The following TRERF1 variants were observed in gnomAD, a reference collection of about 807,000 sequenced individuals.
The protein encoded by TRERF1 is transcriptional-regulating factor 1.
Under a neutral mutation model 122.9 loss-of-function variants are expected in TRERF1, and 27 were observed. That is an observed-to-expected ratio of 0.22 (90% confidence interval 0.16 to 0.30). The LOEUF (loss-of-function observed/expected upper bound fraction) is 0.30. Among genes scored for constraint, TRERF1 ranks in the 10% least tolerant of loss-of-function variants. The pLI is 1.00. For synonymous variants in TRERF1, 636 were observed against 641.7 expected, an observed-to-expected ratio of 0.99 and a Z score of 0.13; for missense variants, 1,248 against 1,560.3, an observed-to-expected ratio of 0.80 and a Z score of 3.37.
At chr6:42,398,441 A>G (rs1778935808) in intron 2 of TRERF1, among the ~76,000 whole-genome samples, 1 of 152,098 alleles carries the variant, frequency 6.6e-6, no homozygotes, top group South Asian at 2.1e-4. Flanking sequence ...CAGTGCCAAA[A>G]TTCTATTCAT....
At chr6:42,323,190 C>T (rs892775162) in intron 3 of TRERF1, among the ~76,000 whole-genome samples, 21 of 149,012 alleles carry the variant, frequency 1.4e-4, no homozygotes, top group Non-Finnish European at 3.0e-4. Flanking sequence ...GCAACTTTCC[C>T]CCAGTTTTTT....
chr6:42,360,770 TTAAAAAAAAAAAAAAAA>T (rs1285767789), intron 3 of TRERF1, among the ~76,000 whole-genome samples: 1 of 64,098 alleles, frequency 1.6e-5, no homozygotes, highest in African/African-American at 4.6e-5. Context: ...AGTGGAGAGA[TTAAAAAAAAAAAAAAAA>T]AAAAAAAAAA....
chr6:42,425,199 T>C (rs151336460), intron 2 of TRERF1, among the ~76,000 whole-genome samples: 126 of 152,154 alleles, frequency 8.3e-4, no homozygotes, highest in African/African-American at 2.8e-3. Flanking sequence ...AAAACAATAA[T>C]AGTGAAAAAA....
intron 2 of TRERF1, among the ~76,000 whole-genome samples, chr6:42,411,286 C>T (rs556816705): frequency 7.7e-4 from 118 of 152,300 alleles, no homozygotes; most frequent in African/African-American, 2.7e-3. Flanking sequence ...GCTCCTGTCT[C>T]ATACATAAAG....
At chr6:42,369,220 C>T (rs970416691) in intron 2 of TRERF1, among the ~76,000 whole-genome samples, 15 of 152,112 alleles carry the variant, frequency 9.9e-5, no homozygotes, top group African/African-American at 1.4e-4. Flanking sequence ...GAGGCCAAGG[C>T]GGGTGGATCA....
chr6:42,243,512 C>T (rs543196045), intron 14 of TRERF1, 151 bp from the exon 15 acceptor site: 56 of 573,368 alleles, frequency 9.8e-5, no homozygotes, highest in African/African-American at 5.9e-4. Context: ...CTCCTTCACA[C>T]GCCTGTCCTT....
intron 2 of TRERF1, among the ~76,000 whole-genome samples, chr6:42,424,231 C>T (rs1783274269): frequency 6.6e-6 from 1 of 152,206 alleles, no homozygotes; most frequent in South Asian, 2.1e-4. Context: ...AAGCAAGTTT[C>T]TCACAATGAT....
rs143402802 is a variant in TRERF1, at chr6:42,254,354, T to C, written c.2656+497A>G. Among the ~76,000 whole-genome samples, 489 of 152,254 alleles carry C rather than the reference T, an allele frequency of 3.2e-3. 4 individuals carry two copies. The highest frequency in any genetic ancestry group is 0.011 in the African/African-American group (455 of 41,544). ...GTTCAAAAAATAATTGTTGGATACA[T>C]GAGTAATAAATGCTACTAGGATGTG... On this transcript the variant is annotated intron_variant, in intron 13 of 17. Coordinates refer to ENST00000372922, the Ensembl canonical transcript of TRERF1.
intron 12 of TRERF1, among the ~76,000 whole-genome samples, chr6:42,255,365 TCC>T (rs1222734487): frequency 2.0e-5 from 3 of 152,228 alleles, no homozygotes; most frequent in African/African-American, 7.2e-5. Context: ...ACACACACCA[TCC>T]TTCCAGAGAG....
intron 3 of TRERF1, among the ~76,000 whole-genome samples, chr6:42,359,386 G>A (rs1562058272): frequency 6.6e-6 from 1 of 152,122 alleles, no homozygotes; most frequent in African/African-American, 2.4e-5. Context: ...GGAAACCAAA[G>A]GCAAGCGGGG....
At chr6:42,313,695 G>A (rs1762045497) in intron 3 of TRERF1, among the ~76,000 whole-genome samples, 1 of 152,176 alleles carries the variant, frequency 6.6e-6, no homozygotes, top group African/African-American at 2.4e-5. Context: ...ATATGAGGGA[G>A]AACCTATTGG....
intron 2 of TRERF1, among the ~76,000 whole-genome samples, chr6:42,378,151 G>C (rs1267968397): frequency 6.6e-6 from 1 of 152,076 alleles, no homozygotes; most frequent in Non-Finnish European, 1.5e-5. Context: ...AGGGGTTGAA[G>C]GGAGGTGGAG....
At chr6:42,389,452 C>T (rs1380849710) in intron 2 of TRERF1, among the ~76,000 whole-genome samples, 1 of 152,208 alleles carries the variant, frequency 6.6e-6, no homozygotes, top group Non-Finnish European at 1.5e-5. Context: ...GACACTGCTC[C>T]ATCACTTTGG....
intron 2 of TRERF1, among the ~76,000 whole-genome samples, chr6:42,365,355 G>A (rs1772534744): frequency 6.6e-6 from 1 of 152,166 alleles, no homozygotes; most frequent in Non-Finnish European, 1.5e-5. Flanking sequence ...ACAGCCCTCA[G>A]TAGCCAGGGT....
chr6:42,346,084 G>C (rs1719443867), intron 3 of TRERF1, among the ~76,000 whole-genome samples: 1 of 152,238 alleles, frequency 6.6e-6, no homozygotes. Flanking sequence ...TATGTGTAAT[G>C]AGAGTTCTAA....
chr6:42,361,571 C>G (rs1029869643), intron 3 of TRERF1, among the ~76,000 whole-genome samples: 3 of 152,182 alleles, frequency 2.0e-5, no homozygotes, highest in African/African-American at 7.2e-5. Context: ...CTTTTCAAGT[C>G]TGAAAAGGAC....
At chr6:42,305,606 C>CG (rs148375849) in intron 3 of TRERF1, among the ~76,000 whole-genome samples, 5,158 of 152,132 alleles carry the variant, frequency 0.034, 285 homozygotes, top group African/African-American at 0.12. Flanking sequence ...AGACCGAGGA[C>CG]GGGGGGTTCA....
At chr6:42,410,620 G>A (rs963854438) in intron 2 of TRERF1, among the ~76,000 whole-genome samples, 5 of 151,994 alleles carry the variant, frequency 3.3e-5, no homozygotes, top group African/African-American at 9.7e-5. Flanking sequence ...AGTAGAGTTG[G>A]AGGCTCCTCA....
chr6:42,452,156 C>T (rs1788666262), upstream of TRERF1: 2 of 146,956 alleles, frequency 1.4e-5, no homozygotes, highest in Admixed American at 1.4e-4. Context: ...TTTTTTAAAT[C>T]CAGGATGCAA....
Sources: allele counts gnomAD v4.1 joint callset (sites outside exome capture counted in the v4.1 genomes callset), GRCh38; gene constraint gnomAD v4.1.1; transcripts MANE v1.5; gene names NCBI Gene and HGNC (gene_info 2026-07-23, HGNC 2026-07-21).